The following SLCO3A1 variants were observed in gnomAD, a reference collection of about 807,000 sequenced individuals.
SLCO3A1 encodes solute carrier organic anion transporter family member 3A1.
In SLCO3A1, 27 loss-of-function variants were observed where a neutral mutation model predicts 63.1. The ratio of observed to expected loss-of-function variants is 0.43; its 90% CI spans 0.32 to 0.59. SLCO3A1 has a LOEUF of 0.59. SLCO3A1 is among the 20% of genes least tolerant of loss of function. The pLI, the probability that SLCO3A1 is intolerant of heterozygous loss-of-function variation, is 0.09. For missense variants in SLCO3A1, 773 were observed against 945.8 expected, an observed-to-expected ratio of 0.82 and a Z score of 2.40; for synonymous variants, 473 against 409.9, an observed-to-expected ratio of 1.15 and a Z score of -1.86.
chr15:92,083,361 T>G (rs985221841), intron 2 of SLCO3A1, among the ~76,000 whole-genome samples: 2 of 152,194 alleles, frequency 1.3e-5, no homozygotes, highest in African/African-American at 2.4e-5. Flanking sequence ...AAGTCAGGAC[T>G]GACTGTCATG....
chr15:91,920,639 G>C (rs1440917167), intron 2 of SLCO3A1, among the ~76,000 whole-genome samples: 1 of 152,198 alleles, frequency 6.6e-6, no homozygotes, highest in African/African-American at 2.4e-5. Context: ...CTTTCCAGCA[G>C]TGTGGGCGCC....
intron 2 of SLCO3A1, among the ~76,000 whole-genome samples, chr15:92,027,457 TCA>T (rs939072583): frequency 4.6e-5 from 7 of 152,188 alleles, no homozygotes; most frequent in African/African-American, 1.7e-4. Context: ...GCAAATAGGC[TCA>T]GAGATTTAGC....
chr15:92,010,075 C>T (rs760770065), intron 2 of SLCO3A1, among the ~76,000 whole-genome samples: 3 of 152,312 alleles, frequency 2.0e-5, no homozygotes, highest in Non-Finnish European at 4.4e-5. Context: ...GGAGCAGGTA[C>T]CTTGAGCCCC....
chr15:92,154,518 T>C (rs1252416159), intron 9 of SLCO3A1, among the ~76,000 whole-genome samples: 2 of 152,144 alleles, frequency 1.3e-5, no homozygotes, highest in African/African-American at 4.8e-5. Context: ...TACTGGACAA[T>C]GAGGGGGCCA....
In SLCO3A1 at chr15:91,916,250, C is replaced by A. The variant is rs1305846258; in HGVS notation, c.438C>A (p.Gly146=). The part of the protein sequence containing the change: ...EAGEIRWGAE[G]RDVCAANGSG... Reference sequence around the variant, plus strand: ...GCGAGATCCGCTGGGGCGCCGAGGGCCGCGACGTCTGCGCAGCCAACGGCT... The same window carrying A: ...GCGAGATCCGCTGGGGCGCCGAGGGACGCGACGTCTGCGCAGCCAACGGCT... Residue 146 remains glycine (G), a synonymous_variant, in exon 2 of 10, where the codon GGC becomes GGA. Transcript: ENST00000318445. The surrounding 1 kb of genome is among the most constrained non-coding windows in gnomAD (Gnocchi z 6.2). 6.4e-7 allele frequency: 1 copy of A among 1,566,248 alleles called. No homozygotes were observed. The highest frequency in any genetic ancestry group is 8.6e-7 in the Non-Finnish European group (1 of 1,156,374).
intron 7 of SLCO3A1, among the ~76,000 whole-genome samples, chr15:92,136,984 T>A (rs10713546): frequency 0.15 from 22,028 of 144,112 alleles, 2,287 homozygotes; most frequent in African/African-American, 0.3. Context: ...TTTTTTTTTT[T>A]AATTATACTT....
downstream of SLCO3A1, among the ~76,000 whole-genome samples, chr15:92,167,494 T>TA (rs2151608363): frequency 6.6e-6 from 1 of 152,336 alleles, no homozygotes; most frequent in East Asian, 1.9e-4. Flanking sequence ...CCTTTTTTAT[T>TA]ACACCTGCTC....
At position 91,967,531 on chromosome 15, in the gene SLCO3A1, G is replaced by C. The variant is rs572111042; in HGVS notation, c.646+51073G>C. On this transcript the variant is annotated intron_variant, in intron 2 of 9. Transcript: ENST00000318445. The surrounding 1 kb of genome is among the most constrained non-coding windows in gnomAD (Gnocchi z 4.4). The stretch of plus-strand genomic sequence containing the variant: ...GCCGTTGTGGGGACATAACGCAGAA[G>C]CGTTGCCACAGGATAAAGACAGCAC... 1.4e-4 allele frequency among the ~76,000 whole-genome samples: 22 copies of C among 152,214 alleles called. No individual in the cohort carries two copies. The highest frequency in any genetic ancestry group is 2.6e-4 in the Non-Finnish European group (18 of 68,042).
intron 2 of SLCO3A1, among the ~76,000 whole-genome samples, chr15:91,981,639 C>T (rs576724760): frequency 1.3e-5 from 2 of 152,268 alleles, no homozygotes; most frequent in Admixed American, 1.3e-4. Flanking sequence ...TCACAAACTA[C>T]CCCTCCCTTT....
chr15:91,906,350 T>TA (rs34158119), intron 1 of SLCO3A1, among the ~76,000 whole-genome samples: 1,893 of 152,322 alleles, frequency 0.012, 46 homozygotes, highest in African/African-American at 0.043. Context: ...TCCTTTATGA[T>TA]AATTCCCTGT....
intron 10 of SLCO3A1, chr15:92,171,483 T>A (rs150237633): frequency 3.3e-6 from 1 of 303,602 alleles, no homozygotes; most frequent in East Asian, 7.0e-5. Flanking sequence ...TAAGGATAAA[T>A]TATTGACTGG....
At chr15:91,908,647 T>C (rs1898385901) in intron 1 of SLCO3A1, 1 of 152,118 alleles carries the variant, frequency 6.6e-6, no homozygotes, top group African/African-American at 2.4e-5. Flanking sequence ...GGGAAATGAC[T>C]TCTGGGCTTA....
At position 91,963,524 on chromosome 15, in the gene SLCO3A1, C is replaced by T. The variant is rs1047422608; in HGVS notation, c.646+47066C>T. On this transcript the variant is annotated intron_variant, in intron 2 of 9. Coordinates refer to ENST00000318445, the MANE Select transcript of SLCO3A1 (RefSeq NM_013272.4). ...CAAATAACATTTCATCTGATTGGATCACACCGTGGGATTTTATTGCAGTAG... is the reference window on the plus strand; with the variant it reads ...CAAATAACATTTCATCTGATTGGATTACACCGTGGGATTTTATTGCAGTAG... 5.9e-5 allele frequency among the ~76,000 whole-genome samples: 9 copies of T among 152,092 alleles called. 1 individual carries two copies. Among genetic ancestry groups the T allele is most frequent in the African/African-American group, 2.2e-4 (9 of 41,396 alleles).
intron 1 of SLCO3A1, among the ~76,000 whole-genome samples, chr15:91,904,680 T>G (rs1354148432): frequency 6.6e-6 from 1 of 152,190 alleles, no homozygotes; most frequent in African/African-American, 2.4e-5. Flanking sequence ...GGTTCGTGGT[T>G]GTTTTCTTCA....
chr15:92,037,887 C>G (rs960748648), intron 2 of SLCO3A1, among the ~76,000 whole-genome samples: 2 of 152,184 alleles, frequency 1.3e-5, no homozygotes, highest in Admixed American at 6.5e-5. Flanking sequence ...AACACCATCA[C>G]CTGGGTCTGT....
chr15:91,951,533 T>G (rs1276335344), intron 2 of SLCO3A1, among the ~76,000 whole-genome samples: 1 of 151,808 alleles, frequency 6.6e-6, no homozygotes, highest in Non-Finnish European at 1.5e-5. Context: ...TATAATTTTC[T>G]TTGTTTTTCT....
intron 1 of SLCO3A1, among the ~76,000 whole-genome samples, chr15:91,858,570 G>C (rs970143293): frequency 3.9e-5 from 6 of 152,226 alleles, no homozygotes; most frequent in Non-Finnish European, 1.5e-5. Flanking sequence ...CCTGCATTTT[G>C]TTAACTCTTC....
chr15:91,855,154 G>T (rs1291846701), intron 1 of SLCO3A1, among the ~76,000 whole-genome samples: 4 of 152,150 alleles, frequency 2.6e-5, no homozygotes, highest in African/African-American at 9.7e-5. Flanking sequence ...CAAGATTTTG[G>T]CCATTGAATA....
chr15:91,938,507 G>A (rs537388389), intron 2 of SLCO3A1, among the ~76,000 whole-genome samples: 2 of 145,152 alleles, frequency 1.4e-5, no homozygotes, highest in Admixed American at 6.8e-5. Context: ...TGGTATCTAG[G>A]TATTTGTGTC....
Sources: allele counts gnomAD v4.1 joint callset (sites outside exome capture counted in the v4.1 genomes callset), GRCh38; gene constraint gnomAD v4.1.1; non-coding constraint Gnocchi (gnomAD v3.1); transcripts MANE v1.5; gene names NCBI Gene and HGNC (gene_info 2026-07-23, HGNC 2026-07-21).